The following TAX1BP1 variants were observed in gnomAD, a reference collection of about 807,000 sequenced individuals.
TAX1BP1 encodes tax1-binding protein 1.
In TAX1BP1, 62 loss-of-function variants were observed where a neutral mutation model predicts 97.7. The ratio of observed to expected loss-of-function variants is 0.63; its 90% confidence interval spans 0.52 to 0.78. The LOEUF (loss-of-function observed/expected upper bound fraction) is 0.78. Ranked by LOEUF, TAX1BP1 falls within the 30% of genes least tolerant of loss-of-function variation. The probability of loss-of-function intolerance (pLI) is 0.00; values close to 1 mark genes in which losing one functional copy is unlikely to be tolerated. For missense variants in TAX1BP1, 867 were observed against 916.1 expected (o/e 0.95, Z 0.69); for synonymous variants, 340 against 304.2 (o/e 1.12, Z -1.23).
chr7:27,799,324 C>A lies in TAX1BP1; in HGVS notation c.1639-641C>A, dbSNP rs146076166. 4.6e-3 allele frequency among the ~76,000 whole-genome samples: 699 copies of A among 152,196 alleles called. 3 individuals carry two copies. The highest frequency in any genetic ancestry group is 0.016 in the African/African-American group (672 of 41,550). On this transcript the variant is annotated intron_variant, in intron 12 of 16. Coordinates refer to ENST00000396319, the MANE Select transcript of TAX1BP1 (RefSeq NM_006024.7). ...TTCCAAATGGAATTGGCCTAATTAC[C>A]TTTTTGTCATGATTTGTAAGTCCTC...
At chr7:27,796,337 C>A in intron 12 of TAX1BP1, 118 bp downstream of exon 12, 1 of 838,670 alleles carries the variant, frequency 1.2e-6, no homozygotes, top group Non-Finnish European at 1.8e-6. Context: ...TATAGTGTTA[C>A]TTAGTTTCAC....
In TAX1BP1 at chr7:27,793,125, TCTTCAGATGGCTGCAGACCATTA is replaced by T; in HGVS notation, c.1324_1346del (p.Leu442Ter). Reference sequence around the variant, plus strand: ...GAGAAGTTGAAGATCTGAAACTCCGTCTTCAGATGGCTGCAGACCATTATAAAGAAAAATTTAAGGAATGCCAA... The same window carrying T: ...GAGAAGTTGAAGATCTGAAACTCCGTTAAAGAAAAATTTAAGGAATGCCAA... On this transcript the variant is annotated frameshift_variant, in exon 10 of 17. Transcript: ENST00000396319. LOFTEE classifies it high-confidence loss of function. 6.2e-7 allele frequency: 1 copy of T among 1,605,838 alleles called. No homozygotes were observed. Among genetic ancestry groups the T allele is most frequent in the Non-Finnish European group, 8.5e-7 (1 of 1,177,716 alleles).
In TAX1BP1 at chr7:27,769,911, A is replaced by G. The variant is rs560219771; in HGVS notation, c.612+77A>G. The G allele has an allele frequency of 1.7e-5, 24 of 1,422,264 alleles. No individual in the cohort carries two copies. The African/African-American group carries it at 2.6e-4, about 15-fold the overall frequency. The allele number at this position is 1,422,264 out of a possible 1,614,324, so 88.1% of individuals were successfully genotyped here. ...CCCACCTTTTTAAAGAGCTGAACCA[A>G]TTAAGTAAGTGAAAACCAGGTACTG... On this transcript the variant is annotated intron_variant, in intron 5 of 16. Coordinates refer to ENST00000396319, the MANE Select transcript of TAX1BP1 (RefSeq NM_006024.7).
intron 1 of TAX1BP1, among the ~76,000 whole-genome samples, chr7:27,743,742 C>A (rs1406588829): frequency 6.6e-6 from 1 of 150,580 alleles, no homozygotes; most frequent in Non-Finnish European, 1.5e-5. Context: ...CAAGACATTT[C>A]ACTTACAGTT....
chr7:27,760,439 C>G (rs1211342073), intron 3 of TAX1BP1, among the ~76,000 whole-genome samples: 1 of 149,518 alleles, frequency 6.7e-6, no homozygotes, highest in Non-Finnish European at 1.5e-5. Flanking sequence ...GTCTCCCAGG[C>G]TGGAGTGCAG....
intron 11 of TAX1BP1, among the ~76,000 whole-genome samples, chr7:27,794,921 CT>C (rs1466761241): frequency 2.0e-5 from 3 of 152,042 alleles, no homozygotes; most frequent in Non-Finnish European, 4.4e-5. Flanking sequence ...TACTTCTTCC[CT>C]TGTCAATGTA....
chr7:27,750,719 C>T (rs1358864197), intron 2 of TAX1BP1, among the ~76,000 whole-genome samples: 1 of 152,168 alleles, frequency 6.6e-6, no homozygotes, highest in African/African-American at 2.4e-5. Context: ...TTCCTGCAGA[C>T]TACTTGTTTA....
intron 2 of TAX1BP1, among the ~76,000 whole-genome samples, chr7:27,756,573 A>G (rs568168312): frequency 2.0e-5 from 3 of 152,290 alleles, no homozygotes; most frequent in East Asian, 1.9e-4. Context: ...ATAGAAATGA[A>G]TAACTTTTCC....
chr7:27,803,160 GA>G, intron 13 of TAX1BP1: 2 of 1,547,554 alleles, frequency 1.3e-6, no homozygotes, highest in Non-Finnish European at 8.7e-7. Context: ...TTCACATTTG[GA>G]AAACCTCTCC....
chr7:27,759,184 CAT>C (rs1224660219), intron 3 of TAX1BP1, among the ~76,000 whole-genome samples: 1 of 151,956 alleles, frequency 6.6e-6, no homozygotes, highest in Non-Finnish European at 1.5e-5. Flanking sequence ...TAAAATAAGA[CAT>C]AAAATTGCAA....
chr7:27,828,950 C>A lies in TAX1BP1; in HGVS notation c.*121C>A. On this transcript the variant is annotated 3_prime_UTR_variant, in exon 17 of 17. Coordinates refer to ENST00000396319, the MANE Select transcript of TAX1BP1 (RefSeq NM_006024.7). ...TTTCATGCACCCTTTACTGCACTTT[C>A]TGACCAGGAGCTACTTTGAGTTTGG... 2.8e-6 allele frequency: 2 copies of A among 721,494 alleles called. No homozygotes were observed. The highest frequency in any genetic ancestry group is 4.3e-6 in the Non-Finnish European group (2 of 460,754). The allele number at this position is 721,494 out of a possible 1,614,324, so 44.7% of individuals were successfully genotyped here. A position where few individuals can be genotyped will look rare whatever the true frequency, so the allele number is the denominator to read the frequency against.
At chr7:27,769,242 T>G (rs1487892341) in intron 4 of TAX1BP1, among the ~76,000 whole-genome samples, 1 of 152,072 alleles carries the variant, frequency 6.6e-6, no homozygotes, top group Non-Finnish European at 1.5e-5. Flanking sequence ...ATGAAGGCCT[T>G]ATATACCATA....
chr7:27,769,692 C>G lies in TAX1BP1; in HGVS notation c.470C>G (p.Thr157Ser). 1 of 1,604,810 alleles carries G rather than the reference C, an allele frequency of 6.2e-7. No individual in the cohort carries two copies. The highest frequency in any genetic ancestry group is 8.5e-7 in the Non-Finnish European group (1 of 1,176,632). Residue 157 changes from threonine to serine, a missense_variant, in exon 5 of 17, where the codon ACC (threonine) becomes AGC (serine). Physicochemically the swap from Thr to Ser is moderately conservative, Grantham distance 58 (BLOSUM62 1). Around this residue, in one of 3 missense-constraint regions of TAX1BP1, gnomAD observed 822 missense variants for 851.4 expected, o/e 0.97. Transcript: ENST00000396319. ...GCTTTATAGTTGAAAATTGAGAAAA[C>G]CATGAAAGAAAAAGAAGAACTGTTA... ...AGLLELKIEK[T>S]MKEKEELLKL...
intron 5 of TAX1BP1, 97 bp downstream of exon 5, chr7:27,769,931 G>A (rs1457600663): frequency 2.4e-6 from 3 of 1,230,230 alleles, no homozygotes; most frequent in Admixed American, 4.6e-5. Flanking sequence ...TGAAAACCAG[G>A]TACTGAGAAA....
At chr7:27,749,476 AT>A (rs757570192) in intron 2 of TAX1BP1, among the ~76,000 whole-genome samples, 74 of 152,344 alleles carry the variant, frequency 4.9e-4, no homozygotes, top group Non-Finnish European at 8.7e-4. Flanking sequence ...TGGGCTTGAA[AT>A]TTTGATTGTC....
intron 3 of TAX1BP1, among the ~76,000 whole-genome samples, chr7:27,763,271 T>C (rs926937238): frequency 2.0e-5 from 3 of 152,214 alleles, no homozygotes; most frequent in African/African-American, 7.2e-5. Context: ...TATTATAATC[T>C]TGTTGAATAC....
At chr7:27,810,659 T>C (rs1054019475) in intron 13 of TAX1BP1, among the ~76,000 whole-genome samples, 24 of 152,250 alleles carry the variant, frequency 1.6e-4, no homozygotes, top group African/African-American at 5.8e-4. Flanking sequence ...TTTTCAGCTA[T>C]ATCTCCTGCC....
chr7:27,771,463 T>G (rs924264335), intron 5 of TAX1BP1, among the ~76,000 whole-genome samples: 1 of 151,820 alleles, frequency 6.6e-6, no homozygotes, highest in Admixed American at 6.6e-5. Flanking sequence ...AGGCCTTCAT[T>G]TGTGTGAAAT....
intron 11 of TAX1BP1, 152 bp downstream of exon 11, chr7:27,794,598 G>A (rs1046046228): frequency 1.3e-6 from 1 of 753,866 alleles, no homozygotes; most frequent in Non-Finnish European, 2.1e-6. Flanking sequence ...GGGTATAAAT[G>A]TAAAATAGAG....
Sources: gnomAD v4.1 joint callset for allele counts (sites outside exome capture counted in the v4.1 genomes callset) on GRCh38, gnomAD v4.1.1 for gene constraint, gnomAD v4.1.1 regional missense constraint, MANE v1.5 for transcripts, NCBI Gene and HGNC (gene_info 2026-07-23, HGNC 2026-07-21) for gene names.